SERBP1: variants seen among roughly 807,000 people sequenced by gnomAD.
SERBP1 encodes SERPINE1 mRNA-binding protein 1.
SERBP1 carries 6 observed loss-of-function variants against 50.2 expected under a neutral mutation model. That is an observed-to-expected ratio of 0.12 (90% CI 0.07 to 0.24). The LOEUF (loss-of-function observed/expected upper bound fraction) is 0.24, where lower values mean the gene tolerates loss of function less well. Ranked by LOEUF, SERBP1 falls within the 10% of genes least tolerant of loss-of-function variation. The pLI is 1.00. For synonymous variants in SERBP1, 168 were observed against 182.8 expected (o/e 0.92, Z 0.65); for missense variants, 346 against 524.9 (o/e 0.66, Z 3.33).
At position 67,411,504 on chromosome 1, in the gene SERBP1, G is replaced by T. The variant is rs1414642885; in HGVS notation, c.*1703C>A. The T allele has an allele frequency of 1.3e-5, 2 of 152,100 alleles. No homozygotes were observed. The highest frequency in any genetic ancestry group is 2.9e-5 in the Non-Finnish European group (2 of 67,982). 9.4% of individuals were successfully genotyped at this position (152,100 alleles called of 1,614,324 possible). On this transcript the variant is annotated 3_prime_UTR_variant, in exon 8 of 8. Transcript: ENST00000361219. The stretch of plus-strand genomic sequence containing the variant: ...AAATATAAAATTATATTAGACATTA[G>T]CACCAGTGCAGAACATGCTCAGCAT...
chr1:67,420,292 GAGA>G (rs1394676273), intron 5 of SERBP1, 106 bp from the exon 6 acceptor site: 2 of 1,037,838 alleles, frequency 1.9e-6, no homozygotes, highest in East Asian at 2.7e-5. Context: ...TAATCTTTTA[GAGA>G]AAGATTATTC....
At chr1:67,429,754 A>C in intron 1 of SERBP1, 1 of 497,332 alleles carries the variant, frequency 2.0e-6, no homozygotes. Flanking sequence ...TCTGCTCACA[A>C]CCTGAGGCGG....
In SERBP1 at chr1:67,420,804, C is replaced by T. The variant is rs551406672; in HGVS notation, c.774-618G>A. ...TGGAAAGGAGGCCATGGATTCACTACTAATAGAACTATCCACAAACACACA... is the reference window on the plus strand; with the variant it reads ...TGGAAAGGAGGCCATGGATTCACTATTAATAGAACTATCCACAAACACACA... On this transcript the variant is annotated intron_variant, in intron 5 of 7. Coordinates refer to ENST00000361219, the MANE Select transcript of SERBP1 (RefSeq NM_001018069.2). 1.9e-3 allele frequency among the ~76,000 whole-genome samples: 284 copies of T among 152,322 alleles called. 1 individual carries two copies. Among genetic ancestry groups the T allele is most frequent in the African/African-American group, 6.5e-3 (271 of 41,582 alleles).
Position 67,408,259 on chromosome 1 carries a change from A to C in SERBP1, c.*4948T>G, listed in dbSNP as rs548406844. ...AAAAGTCCATAATGAATCAGAACTC[A>C]GATACAAAGTTACCACCAGGCATCT... is the stretch of plus-strand genomic sequence containing the variant. On this transcript the variant is annotated 3_prime_UTR_variant, in exon 8 of 8. Transcript: ENST00000361219. The C allele has an allele frequency of 3.9e-5, 6 of 152,330 alleles. No homozygotes were observed. In the East Asian group the frequency reaches 9.6e-4, roughly 24 times the overall value. The allele number at this position is 152,330 out of a possible 1,614,324, so 9.4% of individuals were successfully genotyped here.
chr1:67,424,112 A>G, intron 5 of SERBP1, 88 bp downstream of exon 5: 4 of 1,338,740 alleles, frequency 3.0e-6, no homozygotes, highest in Non-Finnish European at 4.0e-6. Flanking sequence ...GCCATCAAGT[A>G]ACAGCATTAA....
chr1:67,426,654 T>A (rs1158425085), intron 1 of SERBP1, among the ~76,000 whole-genome samples: 4 of 152,224 alleles, frequency 2.6e-5, no homozygotes, highest in African/African-American at 9.6e-5. Context: ...ATAAAAACTT[T>A]TAAATTTAAA....
At chr1:67,429,257 A>T (rs1020634044) in intron 1 of SERBP1, among the ~76,000 whole-genome samples, 7 of 152,200 alleles carry the variant, frequency 4.6e-5, no homozygotes, top group Admixed American at 3.9e-4. Context: ...TGACTCGAGG[A>T]CGTTCCTCGG....
intron 7 of SERBP1, among the ~76,000 whole-genome samples, chr1:67,413,868 A>C (rs1666921215): frequency 6.6e-6 from 1 of 151,936 alleles, no homozygotes; most frequent in Non-Finnish European, 1.5e-5. Context: ...GTGCAGTAAC[A>C]TAATCTCAGT....
At chr1:67,423,191 CCA>C (rs1667258475) in intron 5 of SERBP1, among the ~76,000 whole-genome samples, 1 of 151,404 alleles carries the variant, frequency 6.6e-6, no homozygotes, top group Non-Finnish European at 1.5e-5. Flanking sequence ...CCCAGCTACT[CCA>C]GAGGCTGAGG....
intron 5 of SERBP1, among the ~76,000 whole-genome samples, chr1:67,421,685 G>T (rs1325495299): frequency 6.6e-6 from 1 of 152,182 alleles, no homozygotes. Flanking sequence ...TGGACACGGT[G>T]GCTCACACCT....
chr1:67,421,824 C>T (rs1667206465), intron 5 of SERBP1, among the ~76,000 whole-genome samples: 1 of 152,120 alleles, frequency 6.6e-6, no homozygotes, highest in Non-Finnish European at 1.5e-5. Context: ...CATGGTGGAG[C>T]ATGCCTGTAG....
At position 67,415,659 on chromosome 1, in the gene SERBP1, CT is replaced by C. The variant is rs554473488; in HGVS notation, c.952-321del. ...GAATCATAATCTTTAGCAGTGAAAT[CT>C]GGACAAGTACATTTTAAATATGCCC... On this transcript the variant is annotated intron_variant, in intron 6 of 7. Coordinates refer to ENST00000361219, the MANE Select transcript of SERBP1 (RefSeq NM_001018069.2). Among the ~76,000 whole-genome samples the C allele has an allele frequency of 2.4e-3, 373 of 152,310 alleles. 1 individual carries two copies. Among genetic ancestry groups the C allele is most frequent in the African/African-American group, 8.5e-3 (353 of 41,578 alleles).
intron 2 of SERBP1, 111 bp from the exon 3 acceptor site, chr1:67,425,334 T>C: frequency 2.0e-6 from 2 of 997,008 alleles, no homozygotes; most frequent in East Asian, 2.7e-5. Flanking sequence ...AAACCAATAG[T>C]TAAATACATA....
At chr1:67,422,620 T>C (rs537235740) in intron 5 of SERBP1, among the ~76,000 whole-genome samples, 1 of 150,768 alleles carries the variant, frequency 6.6e-6, no homozygotes, top group African/African-American at 2.4e-5. Context: ...TAACCTGTAA[T>C]CCAAGACTTT....
Position 67,430,400 on chromosome 1 carries a change from GA to G in SERBP1, c.-101del. ...TTCCCACAAGATGGCCGGGCCGAGA[GA>G]GGGGGGCCGTCTTCTCTTCCGGCGC... is the stretch of plus-strand genomic sequence containing the variant. On this transcript the variant is annotated 5_prime_UTR_variant, in exon 1 of 8. Transcript: ENST00000361219. The G allele has an allele frequency of 3.9e-6, 5 of 1,282,164 alleles. No individual in the cohort carries two copies. Among genetic ancestry groups the G allele is most frequent in the Non-Finnish European group, 5.3e-6 (5 of 938,066 alleles). 79.4% of individuals were successfully genotyped at this position (1,282,164 alleles called of 1,614,324 possible). A position where few individuals can be genotyped will look rare whatever the true frequency, so the allele number is the denominator to read the frequency against.
intron 6 of SERBP1, among the ~76,000 whole-genome samples, chr1:67,419,378 C>T (rs1288635234): frequency 6.6e-6 from 1 of 152,226 alleles, no homozygotes; most frequent in African/African-American, 2.4e-5. Flanking sequence ...GTTACATGTG[C>T]ATTGATCTGC....
At chr1:67,428,088 T>C (rs1255514060) in intron 1 of SERBP1, among the ~76,000 whole-genome samples, 1 of 152,226 alleles carries the variant, frequency 6.6e-6, no homozygotes, top group Non-Finnish European at 1.5e-5. Flanking sequence ...ACAGATTTAT[T>C]CCCAGTAATC....
chr1:67,430,303 T>C lies in SERBP1; in HGVS notation c.-3A>G. On this transcript the variant is annotated 5_prime_UTR_variant, in exon 1 of 8. Coordinates refer to ENST00000361219, the MANE Select transcript of SERBP1 (RefSeq NM_001018069.2). ...CCTTCCTGTAAGTGCCCAGGCATGA[T>C]GGTGGCTCGGCGGCGCGTTCCTCCA... 6.7e-7 allele frequency: 1 copy of C among 1,492,152 alleles called. No individual in the cohort carries two copies. The highest frequency in any genetic ancestry group is 8.9e-7 in the Non-Finnish European group (1 of 1,122,224). 92.4% of individuals were successfully genotyped at this position (1,492,152 alleles called of 1,614,324 possible). A position where few individuals can be genotyped will look rare whatever the true frequency, so the allele number is the denominator to read the frequency against.
intron 5 of SERBP1, among the ~76,000 whole-genome samples, chr1:67,422,528 AAG>A (rs1289995090): frequency 6.6e-6 from 1 of 151,996 alleles, no homozygotes; most frequent in African/African-American, 2.4e-5. Flanking sequence ...AAAAAGAAAA[AAG>A]AAAAAGTTTA....
Sources: gnomAD v4.1 joint callset for allele counts (sites outside exome capture counted in the v4.1 genomes callset) on GRCh38, gnomAD v4.1.1 for gene constraint, MANE v1.5 for transcripts, NCBI Gene and HGNC (gene_info 2026-07-23, HGNC 2026-07-21) for gene names.